The following SNTG2 variants were observed in gnomAD, a reference collection of about 807,000 sequenced individuals.
SNTG2 encodes syntrophin gamma 2.
In SNTG2, 74 loss-of-function variants were observed where a neutral mutation model predicts 70.9. The ratio of observed to expected loss-of-function variants is 1.04; its 90% CI spans 0.86 to 1.27. The LOEUF (loss-of-function observed/expected upper bound fraction) is 1.27. Among genes scored for constraint, SNTG2 ranks in the 50% most tolerant of loss-of-function variants. The pLI is 0.00. For missense variants in SNTG2, 717 were observed against 690.7 expected (o/e 1.04, Z -0.43); for synonymous variants, 278 against 273.8 (o/e 1.02, Z -0.15).
At chr2:1,365,152 G>T (rs1396868278) in intron 16 of SNTG2, among the ~76,000 whole-genome samples, 1 of 151,902 alleles carries the variant, frequency 6.6e-6, no homozygotes, top group Admixed American at 6.6e-5. Flanking sequence ...ACAGTCTCAC[G>T]CTTTGGGTAT....
chr2:1,266,899 G>A (rs185075651), intron 13 of SNTG2, among the ~76,000 whole-genome samples: 19 of 151,988 alleles, frequency 1.3e-4, no homozygotes, highest in Admixed American at 4.6e-4. Context: ...AACTACAAGC[G>A]TGTGCTGCCA....
At position 1,362,188 on chromosome 2, in the gene SNTG2, C is replaced by T. The variant is rs189536147; in HGVS notation, c.1489-5155C>T. Among the ~76,000 whole-genome samples the T allele has an allele frequency of 2.5e-4, 38 of 151,446 alleles. No homozygotes were observed. In the East Asian group the frequency reaches 7.2e-3, roughly 29 times the overall value. ...TCAGTAGAACTTCCATGAGATACACCGATGCTGAGCATTTCAGTAGAACTT... is the reference window on the plus strand; with the variant it reads ...TCAGTAGAACTTCCATGAGATACACTGATGCTGAGCATTTCAGTAGAACTT... On this transcript the variant is annotated intron_variant, in intron 16 of 16. Coordinates refer to ENST00000308624, the MANE Select transcript of SNTG2 (RefSeq NM_018968.4).
At chr2:1,093,909 TGGCTTGCAGGCGAAG>T (rs1454941705) in intron 2 of SNTG2, among the ~76,000 whole-genome samples, 7 of 121,466 alleles carry the variant, frequency 5.8e-5, no homozygotes, top group African/African-American at 2.2e-4. Flanking sequence ...GCTGCCTTCC[TGGCTTGCAGGCGAAG>T]GCCTTATAGG....
intron 14 of SNTG2, among the ~76,000 whole-genome samples, chr2:1,299,871 C>T (rs1048016242): frequency 3.3e-5 from 5 of 152,204 alleles, no homozygotes; most frequent in South Asian, 2.1e-4. Flanking sequence ...GAGAATTCAA[C>T]GTAAGGCACT....
At chr2:1,031,662 A>G (rs1274906121) in intron 1 of SNTG2, among the ~76,000 whole-genome samples, 2 of 150,426 alleles carry the variant, frequency 1.3e-5, no homozygotes, top group African/African-American at 2.5e-5. Flanking sequence ...TCCTGAGTAA[A>G]TGGGATTACA....
At chr2:1,175,986 G>A (rs961866059) in intron 8 of SNTG2, among the ~76,000 whole-genome samples, 5 of 152,172 alleles carry the variant, frequency 3.3e-5, no homozygotes, top group African/African-American at 1.2e-4. Flanking sequence ...GGTTCTTCAG[G>A]CTTTGGTGGA....
chr2:1,112,889 G>A lies in SNTG2; in HGVS notation c.325+14479G>A, dbSNP rs181654959. 6.6e-4 allele frequency among the ~76,000 whole-genome samples: 100 copies of A among 151,694 alleles called. 2 individuals carry two copies. In the East Asian group the frequency reaches 0.015, roughly 23 times the overall value. On this transcript the variant is annotated intron_variant, in intron 4 of 16. Coordinates refer to ENST00000308624, the MANE Select transcript of SNTG2 (RefSeq NM_018968.4). ...GAGAAGAATCGTGTGTACTAACTGA[G>A]GTTTAACCCTCACAGTACTTGGAGG...
At chr2:1,009,546 T>G (rs539702148) in intron 1 of SNTG2, among the ~76,000 whole-genome samples, 29 of 142,814 alleles carry the variant, frequency 2.0e-4, no homozygotes, top group Non-Finnish European at 3.2e-4. Flanking sequence ...CCAGGAAGAC[T>G]GCTGGTTCTG....
chr2:1,166,187 T>C (rs1670694178), intron 7 of SNTG2, among the ~76,000 whole-genome samples: 1 of 152,224 alleles, frequency 6.6e-6, no homozygotes, highest in Admixed American at 6.5e-5. Flanking sequence ...CATGGCTTTA[T>C]AAAGGTTGGA....
At chr2:1,172,320 C>A (rs1017054785) in intron 7 of SNTG2, among the ~76,000 whole-genome samples, 3 of 152,194 alleles carry the variant, frequency 2.0e-5, no homozygotes, top group African/African-American at 7.2e-5. Context: ...CTGGCATAGT[C>A]AGGCTGCTGT....
intron 9 of SNTG2, among the ~76,000 whole-genome samples, chr2:1,224,975 T>C (rs940007529): frequency 2.0e-5 from 3 of 152,226 alleles, no homozygotes; most frequent in Non-Finnish European, 4.4e-5. Context: ...CAGGAAAACA[T>C]TGAGCTGTGT....
At chr2:1,288,601 A>C (rs866413980) in intron 14 of SNTG2, among the ~76,000 whole-genome samples, 20 of 152,072 alleles carry the variant, frequency 1.3e-4, no homozygotes, top group Admixed American at 3.3e-4. Flanking sequence ...ACATGAACAC[A>C]CATACATAAG....
At position 966,485 on chromosome 2, in the gene SNTG2, T is replaced by C. The variant is rs189338521; in HGVS notation, c.72+15417T>C. Among the ~76,000 whole-genome samples, 136 of 152,314 alleles carry C rather than the reference T, an allele frequency of 8.9e-4. 1 individual carries two copies. Among genetic ancestry groups the C allele is most frequent in the African/African-American group, 3.2e-3 (132 of 41,574 alleles). On this transcript the variant is annotated intron_variant, in intron 1 of 16. Transcript: ENST00000308624. ...TTAAGGAATATGTTCCTTTCATCTT[T>C]ATCTGTAAGATTTTTGAGATTTGTA...
chr2:1,239,440 C>G (rs1676906875), intron 10 of SNTG2, among the ~76,000 whole-genome samples: 1 of 152,230 alleles, frequency 6.6e-6, no homozygotes, highest in Admixed American at 6.5e-5. Flanking sequence ...TTATGTAGAG[C>G]AGAAATCATT....
intron 9 of SNTG2, among the ~76,000 whole-genome samples, chr2:1,221,151 T>C (rs1464440913): frequency 6.6e-6 from 1 of 152,196 alleles, no homozygotes; most frequent in African/African-American, 2.4e-5. Context: ...CGTTACGCTT[T>C]CTCTGGGGCA....
intron 1 of SNTG2, among the ~76,000 whole-genome samples, chr2:1,053,735 T>C (rs983095512): frequency 1.3e-5 from 2 of 152,298 alleles, no homozygotes; most frequent in Admixed American, 6.5e-5. Context: ...TTGATTGTTT[T>C]CATTTGACTT....
chr2:1,365,908 G>A lies in SNTG2; in HGVS notation c.1489-1435G>A, dbSNP rs149759205. On this transcript the variant is annotated intron_variant, in intron 16 of 16. Transcript: ENST00000308624. Reference sequence around the variant, plus strand: ...GCTGAGATGGATGTTATTGGGGAGGGAGGGCTTTACCCGGTGATGTGTGAC... The same window carrying A: ...GCTGAGATGGATGTTATTGGGGAGGAAGGGCTTTACCCGGTGATGTGTGAC... 9.8e-5 allele frequency among the ~76,000 whole-genome samples: 15 copies of A among 152,292 alleles called. No homozygotes were observed. In the East Asian group the frequency reaches 2.5e-3, roughly 25 times the overall value.
chr2:988,065 C>A (rs1661383877), intron 1 of SNTG2, among the ~76,000 whole-genome samples: 1 of 152,228 alleles, frequency 6.6e-6, no homozygotes, highest in African/African-American at 2.4e-5. Context: ...GCCTCCCGCC[C>A]CTTTGGCAGG....
chr2:1,159,984 G>A (rs28690645), intron 6 of SNTG2, among the ~76,000 whole-genome samples: 96,571 of 152,068 alleles, frequency 0.64, 33,323 homozygotes, highest in Non-Finnish European at 0.8. Flanking sequence ...CACTGCGTCC[G>A]TGAGAAAGAC....
Sources: gnomAD v4.1 joint callset for allele counts (sites outside exome capture counted in the v4.1 genomes callset) on GRCh38, gnomAD v4.1.1 for gene constraint, MANE v1.5 for transcripts, NCBI Gene and HGNC (gene_info 2026-07-23, HGNC 2026-07-21) for gene names.